Variants in GPC6 observed in about 807,000 individuals in gnomAD.
GPC6 encodes glypican 6.
Under a neutral mutation model 55.2 loss-of-function variants are expected in GPC6, and 14 were observed. The observed-to-expected ratio is 0.25, with a 90% CI of 0.17 to 0.40. The LOEUF is 0.40. GPC6 is among the 10% of genes least tolerant of loss of function. GPC6 has a pLI of 1.00. For synonymous variants in GPC6, 278 were observed against 259.6 expected, an observed-to-expected ratio of 1.07 and a Z score of -0.68; for missense variants, 641 against 708.5, an observed-to-expected ratio of 0.90 and a Z score of 1.08.
chr13:94,149,804 A>G (rs926413131), intron 4 of GPC6, among the ~76,000 whole-genome samples: 2 of 151,976 alleles, frequency 1.3e-5, no homozygotes, highest in Non-Finnish European at 2.9e-5. Context: ...ACCCCCTCCC[A>G]GTGTACCTTG....
intron 2 of GPC6, among the ~76,000 whole-genome samples, chr13:93,612,532 C>CACACACACACACACAG (rs1157485089): frequency 6.6e-6 from 1 of 151,916 alleles, no homozygotes; most frequent in South Asian, 2.1e-4. Context: ...CACACACACA[C>CACACACACACACACAG]ACACACACAC....
At chr13:93,464,550 G>C (rs1411172229) in intron 1 of GPC6, among the ~76,000 whole-genome samples, 1 of 152,166 alleles carries the variant, frequency 6.6e-6, no homozygotes, top group Non-Finnish European at 1.5e-5. Flanking sequence ...TTGTTTGTTT[G>C]ATCATGAGAT....
At chr13:93,997,571 A>G (rs980729800) in intron 3 of GPC6, among the ~76,000 whole-genome samples, 1 of 103,554 alleles carries the variant, frequency 9.7e-6, no homozygotes, top group East Asian at 3.4e-4. Flanking sequence ...TCAGCATAAA[A>G]AGACATAATA....
chr13:94,265,909 A>T (rs1891787681), intron 4 of GPC6, among the ~76,000 whole-genome samples: 1 of 152,218 alleles, frequency 6.6e-6, no homozygotes, highest in Admixed American at 6.5e-5. Context: ...TGAAAAACAT[A>T]TCAGCAGAAT....
chr13:93,940,352 G>A (rs193174998), intron 3 of GPC6, among the ~76,000 whole-genome samples: 29 of 151,814 alleles, frequency 1.9e-4, no homozygotes, highest in Non-Finnish European at 3.5e-4. Flanking sequence ...TACAGAGAAG[G>A]TACTAGATCT....
intron 1 of GPC6, among the ~76,000 whole-genome samples, chr13:93,314,710 GGGGTGT>G (rs1879182331): frequency 1.5e-5 from 2 of 132,518 alleles, no homozygotes; most frequent in Admixed American, 8.2e-5. Flanking sequence ...AAAACAAGGA[GGGGTGT>G]GTGTGTGTGT....
intron 4 of GPC6, among the ~76,000 whole-genome samples, chr13:94,159,599 G>A (rs1294887597): frequency 6.6e-6 from 1 of 152,114 alleles, no homozygotes; most frequent in Non-Finnish European, 1.5e-5. Flanking sequence ...TGGGAATCAT[G>A]GAAGCTACAA....
intron 4 of GPC6, among the ~76,000 whole-genome samples, chr13:94,230,947 G>A (rs1183187028): frequency 3.3e-5 from 5 of 152,088 alleles, no homozygotes; most frequent in Admixed American, 2.0e-4. Context: ...GCCAGAAAGG[G>A]TCAGGCTTGG....
Position 93,609,960 on chromosome 13 carries a change from G to A in GPC6, c.319+64539G>A, listed in dbSNP as rs562728435. ...CTGATAGTGTAGTAGATTCTATTCA[G>A]TACCTCCCTGCCTTTTCTAATTACC... On this transcript the variant is annotated intron_variant, in intron 2 of 8. Transcript: ENST00000377047. Among the ~76,000 whole-genome samples the A allele has an allele frequency of 2.6e-5, 4 of 152,248 alleles. No individual in the cohort carries two copies. The South Asian group carries it at 6.2e-4, about 24-fold the overall frequency.
chr13:93,605,077 G>A (rs1225354522), intron 2 of GPC6, among the ~76,000 whole-genome samples: 1 of 151,968 alleles, frequency 6.6e-6, no homozygotes. Flanking sequence ...TGTTGCTGTT[G>A]TTTTCATGCA....
intron 3 of GPC6, among the ~76,000 whole-genome samples, chr13:93,983,959 A>G (rs1462745115): frequency 1.3e-5 from 2 of 152,198 alleles, no homozygotes; most frequent in African/African-American, 2.4e-5. Context: ...TAAGACAACA[A>G]TTAAAGAAAA....
intron 3 of GPC6, among the ~76,000 whole-genome samples, chr13:93,852,115 A>G (rs1888424697): frequency 6.6e-6 from 1 of 151,780 alleles, no homozygotes; most frequent in Non-Finnish European, 1.5e-5. Context: ...TGTATTATAA[A>G]CATGATGATA....
At chr13:93,719,717 T>TGG (rs1883383198) in intron 2 of GPC6, among the ~76,000 whole-genome samples, 1 of 151,806 alleles carries the variant, frequency 6.6e-6, no homozygotes. Flanking sequence ...ATTGGTTGCA[T>TGG]ATTTGTCATA....
At chr13:93,759,874 A>AT (rs1418900317) in intron 2 of GPC6, among the ~76,000 whole-genome samples, 28 of 152,072 alleles carry the variant, frequency 1.8e-4, no homozygotes, top group African/African-American at 6.8e-4. Context: ...TCATGGTTCC[A>AT]GTAATATATG....
In GPC6 at chr13:94,240,322, G is replaced by A. The variant is rs1465218155; in HGVS notation, c.878-46027G>A. Among the ~76,000 whole-genome samples, 3 of 152,030 alleles carry A rather than the reference G, an allele frequency of 2.0e-5. No individual in the cohort carries two copies. The South Asian group carries it at 6.2e-4, about 32-fold the overall frequency. ...CTGCCTCCTCAGAATCAAACACACA[G>A]TATTTGATTACTTTATCAATTTTAT... On this transcript the variant is annotated intron_variant, in intron 4 of 8. Coordinates refer to ENST00000377047, the MANE Select transcript of GPC6 (RefSeq NM_005708.5).
chr13:94,012,747 T>A (rs1432438125), intron 3 of GPC6, among the ~76,000 whole-genome samples: 1 of 152,140 alleles, frequency 6.6e-6, no homozygotes, highest in Non-Finnish European at 1.5e-5. Context: ...AAATGGCACA[T>A]CCCCTTACTT....
At chr13:94,184,121 T>A (rs1594033124) in intron 4 of GPC6, among the ~76,000 whole-genome samples, 3 of 152,102 alleles carry the variant, frequency 2.0e-5, no homozygotes, top group African/African-American at 7.2e-5. Context: ...TATACAGAAA[T>A]GAACCCAAGA....
chr13:93,911,631 G>A (rs958019469), intron 3 of GPC6, among the ~76,000 whole-genome samples: 1 of 152,132 alleles, frequency 6.6e-6, no homozygotes, highest in African/African-American at 2.4e-5. Flanking sequence ...GGCAGACATG[G>A]GCTTAGTTAT....
intron 3 of GPC6, among the ~76,000 whole-genome samples, chr13:93,944,571 T>C (rs996090787): frequency 6.6e-6 from 1 of 152,174 alleles, no homozygotes; most frequent in African/African-American, 2.4e-5. Context: ...CTACATGTCA[T>C]TTTGCTTGTT....
Sources: gnomAD v4.1 joint callset for allele counts (sites outside exome capture counted in the v4.1 genomes callset) on GRCh38, gnomAD v4.1.1 for gene constraint, MANE v1.5 for transcripts, NCBI Gene and HGNC (gene_info 2026-07-23, HGNC 2026-07-21) for gene names.